Variants in GRIK1 observed in about 807,000 individuals in gnomAD.
GRIK1 encodes glutamate ionotropic receptor kainate type subunit 1, also known as glutamate receptor ionotropic, kainate 1.
A neutral mutation model predicts 105.7 loss-of-function variants in GRIK1; 69 were observed. The ratio of observed to expected loss-of-function variants is 0.65; its 90% CI spans 0.54 to 0.80. The LOEUF (loss-of-function observed/expected upper bound fraction) is 0.80, where lower values mean the gene tolerates loss of function less well. Among genes scored for constraint, GRIK1 ranks in the 30% least tolerant of loss-of-function variants. The probability of loss-of-function intolerance (pLI) is 0.00; values close to 1 mark genes in which losing one functional copy is unlikely to be tolerated. For synonymous variants in GRIK1, 438 were observed against 431.3 expected, an observed-to-expected ratio of 1.02 and a Z score of -0.19; for missense variants, 1,109 against 1,167.3, an observed-to-expected ratio of 0.95 and a Z score of 0.73.
At chr21:29,658,070 A>G (rs887415891) in intron 4 of GRIK1, among the ~76,000 whole-genome samples, 4 of 152,164 alleles carry the variant, frequency 2.6e-5, no homozygotes, top group African/African-American at 9.6e-5. Context: ...ATACTTTATT[A>G]GGGCGGTATT....
intron 7 of GRIK1, among the ~76,000 whole-genome samples, chr21:29,641,877 G>T (rs940162583): frequency 6.6e-6 from 1 of 152,132 alleles, no homozygotes. Context: ...GCAGAGACAC[G>T]AGTCCAAAGC....
At chr21:29,849,419 C>A (rs1430038484) in intron 1 of GRIK1, among the ~76,000 whole-genome samples, 2 of 152,132 alleles carry the variant, frequency 1.3e-5, no homozygotes, top group Non-Finnish European at 2.9e-5. Flanking sequence ...AGTCGAGCAT[C>A]CATCAATAGG....
At chr21:29,937,524 G>T (rs778974657) in intron 1 of GRIK1, among the ~76,000 whole-genome samples, 21 of 152,288 alleles carry the variant, frequency 1.4e-4, no homozygotes, top group Admixed American at 6.5e-5. Flanking sequence ...TTGGAGCTTA[G>T]AAAAATACTG....
intron 1 of GRIK1, among the ~76,000 whole-genome samples, chr21:29,926,088 C>A (rs1300994487): frequency 7.9e-6 from 1 of 126,234 alleles, no homozygotes. Flanking sequence ...ATCAGAAATA[C>A]CTAGATCATA....
chr21:29,578,946 G>C (rs1298665458), intron 13 of GRIK1, among the ~76,000 whole-genome samples: 1 of 152,124 alleles, frequency 6.6e-6, no homozygotes, highest in African/African-American at 2.4e-5. Context: ...GCTTATGGGT[G>C]CAGATTTTCT....
intron 1 of GRIK1, among the ~76,000 whole-genome samples, chr21:29,719,363 G>A (rs1174945291): frequency 6.6e-6 from 1 of 151,812 alleles, no homozygotes; most frequent in Non-Finnish European, 1.5e-5. Context: ...AATTGTAAAA[G>A]CAATTGATAA....
intron 1 of GRIK1, among the ~76,000 whole-genome samples, chr21:29,812,176 G>A (rs569393727): frequency 5.3e-5 from 8 of 152,080 alleles, no homozygotes; most frequent in Non-Finnish European, 1.0e-4. Flanking sequence ...AAACTTTATA[G>A]GGATTTGCCT....
intron 7 of GRIK1, among the ~76,000 whole-genome samples, chr21:29,606,859 A>C (rs1349919447): frequency 7.2e-5 from 11 of 152,148 alleles, no homozygotes; most frequent in Non-Finnish European, 1.3e-4. Flanking sequence ...CAAGTCCGTC[A>C]GTCGAGAAGT....
At chr21:29,736,638 C>G (rs1050939041) in intron 1 of GRIK1, among the ~76,000 whole-genome samples, 9 of 151,136 alleles carry the variant, frequency 6.0e-5, no homozygotes, top group African/African-American at 2.2e-4. Context: ...TTTAACAATG[C>G]TTGTTTTGGT....
At chr21:29,538,757 A>G (rs1411678041) in intron 16 of GRIK1, among the ~76,000 whole-genome samples, 1 of 152,120 alleles carries the variant, frequency 6.6e-6, no homozygotes, top group African/African-American at 2.4e-5. Flanking sequence ...CTATGTTTGC[A>G]AAGTACTAAA....
At position 29,814,547 on chromosome 21, in the gene GRIK1, T is replaced by C. The variant is rs564621855; in HGVS notation, c.119-120484A>G. Among the ~76,000 whole-genome samples the C allele has an allele frequency of 1.2e-4, 18 of 152,122 alleles. No homozygotes were observed. In the East Asian group the frequency reaches 3.3e-3, roughly 28 times the overall value. On this transcript the variant is annotated intron_variant, in intron 1 of 17. Transcript: ENST00000327783. ...ATGCCCAAAGTTCACTAGGAGGAGA[T>C]AAAGTTGTCAGAGAGGACCCCTGAA... is the stretch of plus-strand genomic sequence containing the variant.
intron 9 of GRIK1, 74 bp downstream of exon 9, chr21:29,596,451 GA>G (rs2061414596): frequency 2.1e-6 from 2 of 965,990 alleles, no homozygotes; most frequent in East Asian, 4.8e-5. Context: ...GGTAACATTG[GA>G]AGGGCACAGG....
chr21:29,700,878 C>T (rs1419019258), intron 1 of GRIK1, among the ~76,000 whole-genome samples: 2 of 152,110 alleles, frequency 1.3e-5, no homozygotes, highest in Admixed American at 1.3e-4. Flanking sequence ...GAATCCATCT[C>T]ATTTAATGAT....
intron 1 of GRIK1, among the ~76,000 whole-genome samples, chr21:29,932,357 A>T (rs2071597299): frequency 6.6e-6 from 1 of 152,142 alleles, no homozygotes; most frequent in Non-Finnish European, 1.5e-5. Context: ...TTTGTGACTA[A>T]TCTTACCTTA....
chr21:29,687,856 C>T (rs363540), intron 3 of GRIK1, among the ~76,000 whole-genome samples: 139 of 152,294 alleles, frequency 9.1e-4, no homozygotes, highest in African/African-American at 3.2e-3. Flanking sequence ...ATTAAATCCA[C>T]GAGTTTCAAT....
intron 1 of GRIK1, among the ~76,000 whole-genome samples, chr21:29,749,405 T>C (rs955164583): frequency 6.6e-6 from 1 of 152,188 alleles, no homozygotes; most frequent in African/African-American, 2.4e-5. Flanking sequence ...AGTGGACGTG[T>C]CTAATAGCCT....
At chr21:29,772,777 G>T (rs2065844852) in intron 1 of GRIK1, among the ~76,000 whole-genome samples, 1 of 152,192 alleles carries the variant, frequency 6.6e-6, no homozygotes, top group Non-Finnish European at 1.5e-5. Flanking sequence ...TTGCAAAGTA[G>T]ATGGGCCCAT....
intron 1 of GRIK1, among the ~76,000 whole-genome samples, chr21:29,839,165 T>TC (rs1288493730): frequency 1.3e-5 from 2 of 152,180 alleles, no homozygotes; most frequent in Non-Finnish European, 2.9e-5. Context: ...TTCTCCTGCC[T>TC]CAGCCTTCCA....
intron 4 of GRIK1, among the ~76,000 whole-genome samples, chr21:29,656,394 TGAAGAGAGAA>T (rs1348404606): frequency 1.4e-5 from 1 of 69,184 alleles, no homozygotes; most frequent in Non-Finnish European, 3.3e-5. Flanking sequence ...AAAAAAGAAA[TGAAGAGAGAA>T]GACTTAGAAA....
Sources: allele counts gnomAD v4.1 joint callset (sites outside exome capture counted in the v4.1 genomes callset), GRCh38; gene constraint gnomAD v4.1.1; transcripts MANE v1.5; gene names NCBI Gene and HGNC (gene_info 2026-07-23, HGNC 2026-07-21).